Variants in ANKRD22 observed in about 807,000 individuals in gnomAD.
ANKRD22 encodes the protein ankyrin repeat domain 22, also known as ankyrin repeat domain-containing protein 22.
A neutral mutation model predicts 25.7 loss-of-function variants in ANKRD22; 24 were observed. The ratio of observed to expected loss-of-function variants is 0.93; its 90% CI spans 0.68 to 1.31. The LOEUF (loss-of-function observed/expected upper bound fraction) is 1.31, where lower values mean the gene tolerates loss of function less well. Among genes scored for constraint, ANKRD22 ranks in the 50% most tolerant of loss-of-function variants. The pLI, the probability that ANKRD22 is intolerant of heterozygous loss-of-function variation, is 0.00. For synonymous variants in ANKRD22, 84 were observed against 84.3 expected (o/e 1.00, Z 0.02); for missense variants, 214 against 227.1 (o/e 0.94, Z 0.37).
chr10:88,843,814 C>G (rs1043170404), intron 1 of ANKRD22, among the ~76,000 whole-genome samples: 1 of 152,086 alleles, frequency 6.6e-6, no homozygotes, highest in Non-Finnish European at 1.5e-5. Flanking sequence ...TTCTTACATT[C>G]TTGTAACTCT....
At chr10:88,840,051 T>C (rs910091340) in intron 1 of ANKRD22, among the ~76,000 whole-genome samples, 2 of 152,184 alleles carry the variant, frequency 1.3e-5, no homozygotes, top group African/African-American at 4.8e-5. Flanking sequence ...TAATGTAACA[T>C]TGCAGCTTTT....
chr10:88,843,906 A>G (rs1844025670), intron 1 of ANKRD22, among the ~76,000 whole-genome samples: 1 of 152,174 alleles, frequency 6.6e-6, no homozygotes, highest in African/African-American at 2.4e-5. Context: ...CTATCATTAT[A>G]CCTTTCTCTT....
intron 1 of ANKRD22, among the ~76,000 whole-genome samples, chr10:88,832,350 G>T (rs1214550): frequency 6.6e-6 from 1 of 151,150 alleles, no homozygotes; most frequent in Admixed American, 6.6e-5. Flanking sequence ...TGGGCCTGTC[G>T]GAAAAGCATT....
Position 88,846,564 on chromosome 10 carries a change from C to G in ANKRD22, c.21+5023G>C, listed in dbSNP as rs74147298. 7.1e-3 allele frequency among the ~76,000 whole-genome samples: 1,085 copies of G among 152,290 alleles called. 13 individuals carry two copies. The highest frequency in any genetic ancestry group is 0.052 in the East Asian group (268 of 5,192). ...CTGCAGTGAGCATGAGCCATTGCTACAAAATGTTGTGAAAACAATCACAAA... is the reference window on the plus strand; with the variant it reads ...CTGCAGTGAGCATGAGCCATTGCTAGAAAATGTTGTGAAAACAATCACAAA... On this transcript the variant is annotated intron_variant, in intron 1 of 5. Coordinates refer to ENST00000371930, the MANE Select transcript of ANKRD22 (RefSeq NM_144590.3).
chr10:88,822,544 C>CTGCTTTTTTT lies in ANKRD22; in HGVS notation c.*396_*397insAAAAAAAGCA, dbSNP rs1554832256. On this transcript the variant is annotated 3_prime_UTR_variant, in exon 6 of 6. Coordinates refer to ENST00000371930, the MANE Select transcript of ANKRD22 (RefSeq NM_144590.3). ...AAAGACTGAGTTTGGAACACCAGGGCTTTTTTTTTTTTTTTTTTTTTTGAG... is the reference window on the plus strand; with the variant it reads ...AAAGACTGAGTTTGGAACACCAGGGCTGCTTTTTTTTTTTTTTTTTTTTTTTTTTTTTGAG... 4.4e-4 allele frequency: 16 copies of CTGCTTTTTTT among 36,438 alleles called. No homozygotes were observed. The highest frequency in any genetic ancestry group is 1.3e-3 in the South Asian group (1 of 754). 2.3% of individuals were successfully genotyped at this position (36,438 alleles called of 1,614,324 possible).
chr10:88,847,834 G>A (rs1844065970), intron 1 of ANKRD22, among the ~76,000 whole-genome samples: 2 of 151,832 alleles, frequency 1.3e-5, no homozygotes. Flanking sequence ...GCCCCATGGA[G>A]GCAGAGTGGC....
chr10:88,849,603 A>T (rs962172575), intron 1 of ANKRD22, among the ~76,000 whole-genome samples: 1 of 152,134 alleles, frequency 6.6e-6, no homozygotes, highest in Non-Finnish European at 1.5e-5. Flanking sequence ...TAAAATAAGG[A>T]TACTAAAAGT....
intron 1 of ANKRD22, among the ~76,000 whole-genome samples, chr10:88,836,807 G>A (rs1045932279): frequency 6.6e-6 from 1 of 152,088 alleles, no homozygotes; most frequent in Non-Finnish European, 1.5e-5. Flanking sequence ...TGTCATCAGA[G>A]AGTCTGCAGA....
intron 1 of ANKRD22, among the ~76,000 whole-genome samples, chr10:88,845,543 G>A (rs570149160): frequency 4.8e-4 from 73 of 152,064 alleles, no homozygotes; most frequent in African/African-American, 1.7e-3. Context: ...CTTTCCTTCT[G>A]CCCCTCTCTG....
At chr10:88,836,995 A>G (rs1027708726) in intron 1 of ANKRD22, among the ~76,000 whole-genome samples, 1 of 152,194 alleles carries the variant, frequency 6.6e-6, no homozygotes, top group African/African-American at 2.4e-5. Flanking sequence ...AGAGGATGCA[A>G]TTGGAGAGGA....
intron 2 of ANKRD22, 127 bp from the exon 3 acceptor site, chr10:88,828,793 G>A (rs1843879140): frequency 3.1e-6 from 2 of 653,208 alleles, no homozygotes; most frequent in Non-Finnish European, 5.2e-6. Flanking sequence ...TTTTCCTGTG[G>A]GATACATCTG....
At position 88,820,443 on chromosome 10, in the gene ANKRD22, A is replaced by T. The variant is rs1589319644; in HGVS notation, c.*2498T>A. 10 of 1,552,010 alleles carry T rather than the reference A, an allele frequency of 6.4e-6. 1 individual carries two copies. The East Asian group carries it at 2.4e-4, about 38-fold the overall frequency. On this transcript the variant is annotated 3_prime_UTR_variant, in exon 6 of 6. Transcript: ENST00000371930. ...CACCGTATGTACAATGAAATCATCC[A>T]TCTGATGCAGCAGGAGGAGACCAAC...
In ANKRD22 at chr10:88,821,995, CATCT is replaced by C. The variant is rs1330435260; in HGVS notation, c.*942_*945del. ...CCAAATAAGTTACAATAATATTTTA[CATCT>C]ATCAATAAAATAAACAAAACTAACA... On this transcript the variant is annotated 3_prime_UTR_variant, in exon 6 of 6. Coordinates refer to ENST00000371930, the MANE Select transcript of ANKRD22 (RefSeq NM_144590.3). 6.6e-6 allele frequency: 1 copy of C among 152,182 alleles called. No homozygotes were observed. The highest frequency in any genetic ancestry group is 1.5e-5 in the Non-Finnish European group (1 of 68,036). The allele number at this position is 152,182 out of a possible 1,614,324, so 9.4% of individuals were successfully genotyped here. A position where few individuals can be genotyped will look rare whatever the true frequency, so the allele number is the denominator to read the frequency against.
At chr10:88,824,587 G>GT (rs1491336540) in intron 4 of ANKRD22, among the ~76,000 whole-genome samples, 1 of 152,160 alleles carries the variant, frequency 6.6e-6, no homozygotes, top group African/African-American at 2.4e-5. Flanking sequence ...ATTAGAAGTG[G>GT]TGTCTGTGTG....
intron 1 of ANKRD22, among the ~76,000 whole-genome samples, chr10:88,838,045 A>G (rs1843970223): frequency 6.6e-6 from 1 of 152,248 alleles, no homozygotes; most frequent in African/African-American, 2.4e-5. Context: ...ATTTAAAAAG[A>G]TGAATGGATT....
chr10:88,851,536 A>G, intron 1 of ANKRD22, 51 bp downstream of exon 1: 1 of 1,601,106 alleles, frequency 6.2e-7, no homozygotes, highest in Non-Finnish European at 8.6e-7. Flanking sequence ...TCTGAAAAGC[A>G]TGAGTAACTT....
At chr10:88,837,902 T>A (rs1351810579) in intron 1 of ANKRD22, among the ~76,000 whole-genome samples, 2 of 152,230 alleles carry the variant, frequency 1.3e-5, no homozygotes, top group African/African-American at 2.4e-5. Flanking sequence ...TTTGCCAGAT[T>A]GTGAGGCCTT....
chr10:88,845,127 C>G (rs1360585301), intron 1 of ANKRD22, among the ~76,000 whole-genome samples: 1 of 152,052 alleles, frequency 6.6e-6, no homozygotes, highest in Non-Finnish European at 1.5e-5. Flanking sequence ...ACTTCACATA[C>G]AAAAGTTGAA....
At position 88,843,516 on chromosome 10, in the gene ANKRD22, T is replaced by C. The variant is rs187439886; in HGVS notation, c.21+8071A>G. Among the ~76,000 whole-genome samples the C allele has an allele frequency of 4.6e-5, 7 of 152,296 alleles. No individual in the cohort carries two copies. The East Asian group carries it at 1.3e-3, about 29-fold the overall frequency. ...GGTGCATCAAGGCAATTAGCATCTTTTTCATTTTTCAAAATTGTTTACTTT... is the reference window on the plus strand; with the variant it reads ...GGTGCATCAAGGCAATTAGCATCTTCTTCATTTTTCAAAATTGTTTACTTT... On this transcript the variant is annotated intron_variant, in intron 1 of 5. Transcript: ENST00000371930.
Sources: gnomAD v4.1 joint callset for allele counts (sites outside exome capture counted in the v4.1 genomes callset) on GRCh38, gnomAD v4.1.1 for gene constraint, MANE v1.5 for transcripts, NCBI Gene and HGNC (gene_info 2026-07-23, HGNC 2026-07-21) for gene names.